Variants in BBX observed in about 807,000 individuals in gnomAD.
BBX encodes the protein HMG box transcription factor BBX.
Under a neutral mutation model 100.2 loss-of-function variants are expected in BBX, and 30 were observed. That is an observed-to-expected ratio of 0.30 (90% confidence interval 0.22 to 0.41). BBX has a LOEUF of 0.41. Among genes scored for constraint, BBX ranks in the 10% least tolerant of loss-of-function variants. The probability of loss-of-function intolerance (pLI) is 1.00; values close to 1 mark genes in which losing one functional copy is unlikely to be tolerated. For missense variants in BBX, 1,023 were observed against 1,129.8 expected (o/e 0.91, Z 1.35); for synonymous variants, 376 against 388.1 (o/e 0.97, Z 0.37).
At chr3:107,626,743 C>A in intron 2 of BBX, among the ~76,000 whole-genome samples, 1 of 151,110 alleles carries the variant, frequency 6.6e-6, no homozygotes, top group East Asian at 1.9e-4. Flanking sequence ...CAACCTCTAC[C>A]TCCTGGGTTC....
chr3:107,536,018 A>T (rs1288133058), intron 2 of BBX, among the ~76,000 whole-genome samples: 1 of 152,242 alleles, frequency 6.6e-6, no homozygotes, highest in Admixed American at 6.5e-5. Flanking sequence ...AGGCAGTTCC[A>T]TATTAGTGGA....
intron 5 of BBX, among the ~76,000 whole-genome samples, chr3:107,718,518 G>A (rs1289955580): frequency 1.3e-5 from 2 of 151,724 alleles, no homozygotes; most frequent in Non-Finnish European, 2.9e-5. Context: ...TGCTTATATA[G>A]TAAAATAAAT....
At chr3:107,553,805 A>T (rs1324488904) in intron 2 of BBX, among the ~76,000 whole-genome samples, 1 of 152,212 alleles carries the variant, frequency 6.6e-6, no homozygotes, top group Non-Finnish European at 1.5e-5. Flanking sequence ...AGTTCAACTT[A>T]TGCATATTTT....
chr3:107,758,131 C>T (rs1246609992), intron 10 of BBX, among the ~76,000 whole-genome samples: 5 of 152,204 alleles, frequency 3.3e-5, no homozygotes, highest in Admixed American at 2.6e-4. Flanking sequence ...TATTAATTCT[C>T]ATTCTTTATC....
chr3:107,630,424 A>T (rs572596191), intron 2 of BBX, among the ~76,000 whole-genome samples: 38 of 152,028 alleles, frequency 2.5e-4, no homozygotes, highest in Non-Finnish European at 5.1e-4. Flanking sequence ...CGAGGGGGGA[A>T]CTCTGGTATT....
At chr3:107,631,245 C>G (rs2056528005) in intron 2 of BBX, among the ~76,000 whole-genome samples, 1 of 152,188 alleles carries the variant, frequency 6.6e-6, no homozygotes, top group Non-Finnish European at 1.5e-5. Context: ...TTTTTAGGCT[C>G]ATCCTAGGCA....
chr3:107,686,313 A>T (rs757857221), intron 3 of BBX, among the ~76,000 whole-genome samples: 1 of 152,186 alleles, frequency 6.6e-6, no homozygotes, highest in Admixed American at 6.5e-5. Context: ...ATGCTTCATA[A>T]AATCTCAGAT....
intron 10 of BBX, 21 bp from the exon 11 acceptor site, chr3:107,772,607 C>T: frequency 1.9e-6 from 3 of 1,545,764 alleles, no homozygotes; most frequent in Non-Finnish European, 2.6e-6. Context: ...GGTGCTCTCC[C>T]ATTTTGTTTT....
intron 5 of BBX, among the ~76,000 whole-genome samples, chr3:107,717,539 C>T (rs1290990727): frequency 6.6e-6 from 1 of 152,100 alleles, no homozygotes; most frequent in African/African-American, 2.4e-5. Context: ...ATATTTAAAA[C>T]CAATAAATGA....
intron 2 of BBX, among the ~76,000 whole-genome samples, chr3:107,634,607 G>A (rs1305495468): frequency 2.6e-5 from 4 of 152,136 alleles, no homozygotes; most frequent in African/African-American, 9.7e-5. Context: ...TTGCTGATGA[G>A]ATTCATTGAA....
intron 2 of BBX, among the ~76,000 whole-genome samples, chr3:107,577,119 A>G (rs893707637): frequency 6.6e-6 from 1 of 152,182 alleles, no homozygotes; most frequent in African/African-American, 2.4e-5. Context: ...TCAGCCTCCC[A>G]AAGTGCTGGG....
At chr3:107,729,628 T>C (rs1465149153) in intron 6 of BBX, among the ~76,000 whole-genome samples, 3 of 152,226 alleles carry the variant, frequency 2.0e-5, no homozygotes, top group Admixed American at 6.5e-5. Flanking sequence ...CTTTCTTAGC[T>C]ATTACAGTGC....
intron 2 of BBX, among the ~76,000 whole-genome samples, chr3:107,608,848 G>A (rs1430614637): frequency 6.6e-6 from 1 of 151,852 alleles, no homozygotes; most frequent in Non-Finnish European, 1.5e-5. Flanking sequence ...TTACTTTTTT[G>A]ACTTCTTTTT....
intron 2 of BBX, among the ~76,000 whole-genome samples, chr3:107,583,024 A>G (rs2052401633): frequency 6.6e-6 from 1 of 151,654 alleles, no homozygotes. Flanking sequence ...CATTAGACGC[A>G]AGGCTGTTAG....
chr3:107,742,966 A>G (rs1437780323), intron 7 of BBX, among the ~76,000 whole-genome samples: 1 of 152,172 alleles, frequency 6.6e-6, no homozygotes, highest in Non-Finnish European at 1.5e-5. Flanking sequence ...ACTCTAAGCC[A>G]TAGGGTAATT....
At chr3:107,760,338 T>TC (rs2107699215) in intron 10 of BBX, among the ~76,000 whole-genome samples, 1 of 152,364 alleles carries the variant, frequency 6.6e-6, no homozygotes, top group East Asian at 1.9e-4. Context: ...TGACAGATTG[T>TC]CCAAGACTGC....
chr3:107,755,006 G>A (rs1055868103), intron 9 of BBX, among the ~76,000 whole-genome samples: 7 of 152,154 alleles, frequency 4.6e-5, no homozygotes, highest in African/African-American at 1.7e-4. Flanking sequence ...CTGCAACACA[G>A]CATAGGCCAT....
intron 5 of BBX, among the ~76,000 whole-genome samples, chr3:107,723,289 A>T (rs2062669607): frequency 6.6e-6 from 1 of 152,088 alleles, no homozygotes; most frequent in South Asian, 2.1e-4. Context: ...AAAACAGGCA[A>T]ACGGAGAACA....
At position 107,584,088 on chromosome 3, in the gene BBX, T is replaced by A. The variant is rs372178635; in HGVS notation, c.-84+57690T>A. Among the ~76,000 whole-genome samples the A allele has an allele frequency of 6.9e-3, 42 of 6,122 alleles. 1 individual carries two copies. The highest frequency in any genetic ancestry group is 0.012 in the Non-Finnish European group (30 of 2,452). The allele number at this position is 6,122 out of a possible 152,430, so 4.0% of individuals were successfully genotyped here. ...TCATATATTATATATATTATATATA[T>A]CATATATTATATATATTATATATTA... On this transcript the variant is annotated intron_variant, in intron 2 of 17. Transcript: ENST00000325805.
Sources: gnomAD v4.1 joint callset for allele counts (sites outside exome capture counted in the v4.1 genomes callset) on GRCh38, gnomAD v4.1.1 for gene constraint, MANE v1.5 for transcripts, NCBI Gene and HGNC (gene_info 2026-07-23, HGNC 2026-07-21) for gene names.